The following UNC13C variants were observed in gnomAD, a reference collection of about 807,000 sequenced individuals.
UNC13C encodes the protein protein unc-13 homolog C.
UNC13C carries 174 observed loss-of-function variants against 245.4 expected under a neutral mutation model. That is an observed-to-expected ratio of 0.71 (90% CI 0.63 to 0.80). The LOEUF is 0.80. Ranked by LOEUF, UNC13C falls within the 30% of genes least tolerant of loss-of-function variation. UNC13C has a pLI of 0.00. For missense variants in UNC13C, 2,829 were observed against 2,602.9 expected, an observed-to-expected ratio of 1.09 and a Z score of -1.89; for synonymous variants, 992 against 895.1, an observed-to-expected ratio of 1.11 and a Z score of -1.93.
At chr15:54,030,665 T>G (rs1896319940) in intron 2 of UNC13C, among the ~76,000 whole-genome samples, 1 of 152,118 alleles carries the variant, frequency 6.6e-6, no homozygotes, top group Non-Finnish European at 1.5e-5. Flanking sequence ...GAATAGAAAT[T>G]TATTTTCTCA....
intron 30 of UNC13C, among the ~76,000 whole-genome samples, chr15:54,616,754 A>G (rs1246667259): frequency 6.6e-6 from 1 of 152,038 alleles, no homozygotes; most frequent in African/African-American, 2.4e-5. Flanking sequence ...ATCTTTTATA[A>G]TGTAGCCTAA....
intron 10 of UNC13C, among the ~76,000 whole-genome samples, chr15:54,292,459 T>G (rs1459138861): frequency 1.3e-5 from 2 of 151,966 alleles, no homozygotes; most frequent in Admixed American, 6.6e-5. Flanking sequence ...CTATGTTAAG[T>G]AGAAACAGTG....
chr15:54,222,590 T>C (rs1305641104), intron 4 of UNC13C, among the ~76,000 whole-genome samples: 1 of 152,102 alleles, frequency 6.6e-6, no homozygotes, highest in African/African-American at 2.4e-5. Context: ...CTGATTTCCT[T>C]TCCTTTGGGT....
the UNC13C span, among the ~76,000 whole-genome samples, chr15:53,963,767 C>CT: frequency 6.6e-6 from 1 of 152,060 alleles, no homozygotes; most frequent in Non-Finnish European, 1.5e-5. Flanking sequence ...GAGGTGAAAC[C>CT]TACAAGAGTG....
chr15:53,969,755 T>C, the UNC13C span, among the ~76,000 whole-genome samples: 1 of 151,840 alleles, frequency 6.6e-6, no homozygotes, highest in Admixed American at 6.6e-5. Context: ...TTTACCATCT[T>C]AAACATTTTT....
At chr15:54,059,679 A>T (rs1249337253) in intron 2 of UNC13C, among the ~76,000 whole-genome samples, 2 of 152,224 alleles carry the variant, frequency 1.3e-5, no homozygotes, top group Admixed American at 1.3e-4. Context: ...AGCCAAAAAA[A>T]CAAAGCTGGA....
intron 2 of UNC13C, chr15:54,050,105 G>T: frequency 3.0e-6 from 1 of 332,638 alleles, no homozygotes; most frequent in Non-Finnish European, 5.9e-6. Flanking sequence ...AAGTAGCTGC[G>T]ATTACAGGCG....
chr15:54,103,373 AC>A (rs1207429729), intron 2 of UNC13C, among the ~76,000 whole-genome samples: 2 of 152,166 alleles, frequency 1.3e-5, no homozygotes, highest in Non-Finnish European at 2.9e-5. Flanking sequence ...ACATTCTTAT[AC>A]CCAAAGCACT....
chr15:54,460,852 C>T (rs1891807853), intron 19 of UNC13C, among the ~76,000 whole-genome samples: 1 of 152,168 alleles, frequency 6.6e-6, no homozygotes, highest in African/African-American at 2.4e-5. Context: ...AGTCCTGTCT[C>T]CTATTGGCCA....
At chr15:54,004,389 A>G (rs1008443651) in intron 1 of UNC13C, among the ~76,000 whole-genome samples, 3 of 152,108 alleles carry the variant, frequency 2.0e-5, no homozygotes, top group East Asian at 3.9e-4. Flanking sequence ...TATGTACCAC[A>G]TTTATTTATC....
At chr15:54,160,032 T>C (rs1460383341) in intron 4 of UNC13C, among the ~76,000 whole-genome samples, 1 of 152,126 alleles carries the variant, frequency 6.6e-6, no homozygotes, top group Non-Finnish European at 1.5e-5. Flanking sequence ...ATTAAACCTT[T>C]GTTGTGTGAA....
chr15:54,494,573 A>C (rs1378015177), intron 19 of UNC13C, 35 bp from the exon 20 acceptor site: 3 of 1,514,174 alleles, frequency 2.0e-6, no homozygotes, highest in Non-Finnish European at 2.6e-6. Flanking sequence ...TTGGCAAACC[A>C]AGCTTTATTA....
intron 19 of UNC13C, among the ~76,000 whole-genome samples, chr15:54,463,843 C>T (rs117221490): frequency 6.6e-6 from 1 of 152,206 alleles, no homozygotes; most frequent in Non-Finnish European, 1.5e-5. Flanking sequence ...AAGGGAATGC[C>T]ATTGTTGGTA....
chr15:54,308,168 G>A (rs541146975), intron 13 of UNC13C, among the ~76,000 whole-genome samples: 7 of 151,728 alleles, frequency 4.6e-5, no homozygotes, highest in African/African-American at 7.3e-5. Flanking sequence ...GTATGATTTC[G>A]GACACCTGTC....
intron 18 of UNC13C, among the ~76,000 whole-genome samples, chr15:54,408,069 C>T (rs908035111): frequency 2.1e-4 from 32 of 151,466 alleles, no homozygotes; most frequent in South Asian, 1.0e-3. Flanking sequence ...GGCATGGTGG[C>T]GGGCGCCTGT....
intron 1 of UNC13C, among the ~76,000 whole-genome samples, chr15:53,989,417 GA>G (rs1415784933): frequency 2.0e-5 from 3 of 150,388 alleles, no homozygotes; most frequent in East Asian, 3.9e-4. Flanking sequence ...AAAAAAAAAA[GA>G]AAAAATATTA....
intron 30 of UNC13C, among the ~76,000 whole-genome samples, chr15:54,621,128 T>G (rs1002385844): frequency 2.0e-5 from 3 of 152,218 alleles, no homozygotes; most frequent in African/African-American, 7.2e-5. Context: ...TTGAAAGGTT[T>G]TGGCCCAAAT....
intron 13 of UNC13C, chr15:54,321,566 C>G: frequency 2.5e-6 from 1 of 404,510 alleles, no homozygotes; most frequent in Admixed American, 3.1e-5. Context: ...TGTGAGTGTT[C>G]CCCGTCACCC....
At chr15:54,199,666 A>G (rs1182512465) in intron 4 of UNC13C, among the ~76,000 whole-genome samples, 1 of 152,168 alleles carries the variant, frequency 6.6e-6, no homozygotes, top group East Asian at 1.9e-4. Context: ...CTACCAAGAC[A>G]GCACTACAAA....
Sources: allele counts gnomAD v4.1 joint callset (sites outside exome capture counted in the v4.1 genomes callset), GRCh38; gene constraint gnomAD v4.1.1; transcripts MANE v1.5; gene names NCBI Gene and HGNC (gene_info 2026-07-23, HGNC 2026-07-21).